Variants in DCAF6 observed in about 807,000 individuals in gnomAD.
DCAF6 encodes the protein DDB1- and CUL4-associated factor 6.
DCAF6 carries 54 observed loss-of-function variants against 125.1 expected under a neutral mutation model. The ratio of observed to expected loss-of-function variants is 0.43; its 90% CI spans 0.35 to 0.54. The LOEUF is 0.54. DCAF6 is among the 20% of genes least tolerant of loss of function. The pLI, the probability that DCAF6 is intolerant of heterozygous loss-of-function variation, is 0.01. For missense variants in DCAF6, 934 were observed against 1,161.7 expected (o/e 0.80, Z 2.85); for synonymous variants, 371 against 390.4 (o/e 0.95, Z 0.58).
At chr1:167,930,626 T>A in the DCAF6 span, among the ~76,000 whole-genome samples, 1,449 of 152,316 alleles carry the variant, frequency 9.5e-3, 23 homozygotes, top group African/African-American at 0.033. Flanking sequence ...CCCTCATTTT[T>A]ATAAATGAAA....
intron 10 of DCAF6, among the ~76,000 whole-genome samples, chr1:168,012,494 T>C (rs1306941687): frequency 6.6e-6 from 1 of 152,208 alleles, no homozygotes; most frequent in East Asian, 1.9e-4. Context: ...CAATTTTCAG[T>C]TTGGGTCATG....
At chr1:167,917,907 A>T in the DCAF6 span, 1 of 155,336 alleles carries the variant, frequency 6.4e-6, no homozygotes. Context: ...TCATTCCACT[A>T]CCCATTTCTC....
the DCAF6 span, among the ~76,000 whole-genome samples, chr1:167,882,967 G>A: frequency 6.6e-6 from 1 of 152,212 alleles, no homozygotes; most frequent in Non-Finnish European, 1.5e-5. Context: ...AACAGTGCCT[G>A]GCACATAGTA....
the DCAF6 span, among the ~76,000 whole-genome samples, chr1:167,886,885 G>A: frequency 6.6e-6 from 1 of 152,296 alleles, no homozygotes; most frequent in South Asian, 2.1e-4. Context: ...AGTGGGCAAA[G>A]GATATGAACA....
rs1326573886 is a variant in DCAF6, at chr1:168,049,436, T to G, written c.2259-1456T>G. ...TTGTTGTTGTTGTTGTTGTTGTTTT[T>G]TTTTTTTTTTTTTTTTAGAAGAGAC... is the stretch of plus-strand genomic sequence containing the variant. On this transcript the variant is annotated intron_variant, in intron 16 of 21. Transcript: ENST00000367840. Among the ~76,000 whole-genome samples, 76 of 139,852 alleles carry G rather than the reference T, an allele frequency of 5.4e-4. 1 individual carries two copies. The highest frequency in any genetic ancestry group is 1.8e-3 in the South Asian group (8 of 4,424). 91.7% of individuals were successfully genotyped at this position (139,852 alleles called of 152,430 possible). A position where few individuals can be genotyped will look rare whatever the true frequency, so the allele number is the denominator to read the frequency against.
At chr1:167,996,580 T>C (rs941502647) in intron 7 of DCAF6, among the ~76,000 whole-genome samples, 1 of 152,240 alleles carries the variant, frequency 6.6e-6, no homozygotes, top group Non-Finnish European at 1.5e-5. Flanking sequence ...CTTAGAAACA[T>C]AAGTTAAATC....
chr1:167,924,664 CT>C, the DCAF6 span: 2 of 620,432 alleles, frequency 3.2e-6, no homozygotes, highest in Admixed American at 7.0e-5. Flanking sequence ...TTTTACTATG[CT>C]TTTTGCATAC....
the DCAF6 span, among the ~76,000 whole-genome samples, chr1:167,863,904 G>A: frequency 3.9e-5 from 6 of 152,242 alleles, no homozygotes; most frequent in Admixed American, 6.5e-5. Context: ...CACCCACGGC[G>A]TGCCTTTATC....
At chr1:167,914,215 T>G in the DCAF6 span, 1 of 152,336 alleles carries the variant, frequency 6.6e-6, no homozygotes, top group African/African-American at 2.4e-5. Flanking sequence ...TGGGTGGCAC[T>G]GCCGTCCCCT....
intron 17 of DCAF6, among the ~76,000 whole-genome samples, chr1:168,060,964 T>C (rs187047847): frequency 1.7e-3 from 254 of 152,370 alleles, no homozygotes; most frequent in Non-Finnish European, 3.0e-3. Context: ...AACACAGTTA[T>C]TTCCTCTGCT....
At chr1:168,058,817 G>A (rs1691227314) in intron 17 of DCAF6, among the ~76,000 whole-genome samples, 1 of 152,056 alleles carries the variant, frequency 6.6e-6, no homozygotes, top group South Asian at 2.1e-4. Flanking sequence ...TGATCCACCT[G>A]CCTCGGCCTC....
chr1:168,042,809 C>T (rs1688703751), intron 13 of DCAF6: 2 of 413,270 alleles, frequency 4.8e-6, no homozygotes, highest in South Asian at 8.8e-5. Flanking sequence ...AGAAGCAGTC[C>T]CTTTATATTT....
At chr1:168,025,923 C>T (rs1317828683) in intron 12 of DCAF6, among the ~76,000 whole-genome samples, 3 of 152,224 alleles carry the variant, frequency 2.0e-5, no homozygotes, top group Non-Finnish European at 4.4e-5. Flanking sequence ...TCTCAGGCCA[C>T]TATCCCATCA....
the DCAF6 span, among the ~76,000 whole-genome samples, chr1:167,880,809 A>G: frequency 6.6e-6 from 1 of 152,228 alleles, no homozygotes; most frequent in Non-Finnish European, 1.5e-5. Context: ...AGCCTTGAGA[A>G]GGGCTTGTTT....
chr1:167,951,894 A>G, intron 2 of DCAF6, 33 bp downstream of exon 2: 1 of 1,436,634 alleles, frequency 7.0e-7, no homozygotes, highest in Non-Finnish European at 9.8e-7. Context: ...CTCTGAAGGG[A>G]TTTGATACTA....
At chr1:168,038,050 G>C in intron 12 of DCAF6, among the ~76,000 whole-genome samples, 1 of 152,106 alleles carries the variant, frequency 6.6e-6, no homozygotes, top group East Asian at 1.9e-4. Flanking sequence ...CATTAAATAA[G>C]GGTACCAGTT....
chr1:167,907,687 G>A, the DCAF6 span, among the ~76,000 whole-genome samples: 1 of 152,182 alleles, frequency 6.6e-6, no homozygotes, highest in Admixed American at 6.5e-5. Context: ...ATTAAAAGGA[G>A]TCAAATGGAT....
At chr1:167,976,856 C>G (rs987987722) in intron 4 of DCAF6, among the ~76,000 whole-genome samples, 4 of 114,232 alleles carry the variant, frequency 3.5e-5, no homozygotes, top group Non-Finnish European at 5.5e-5. Context: ...CATGTTGTAT[C>G]ATTTTGTACT....
intron 2 of DCAF6, among the ~76,000 whole-genome samples, chr1:167,966,422 G>A (rs1160152906): frequency 6.6e-6 from 1 of 152,146 alleles, no homozygotes; most frequent in East Asian, 1.9e-4. Flanking sequence ...TATTGTTAGT[G>A]TTAGTGTATT....
Sources: allele counts gnomAD v4.1 joint callset (sites outside exome capture counted in the v4.1 genomes callset), GRCh38; gene constraint gnomAD v4.1.1; transcripts MANE v1.5; gene names NCBI Gene and HGNC (gene_info 2026-07-23, HGNC 2026-07-21).